Variants in PTPRM observed in about 807,000 individuals in gnomAD.
The protein encoded by PTPRM is receptor-type tyrosine-protein phosphatase mu.
A neutral mutation model predicts 186.7 loss-of-function variants in PTPRM; 47 were observed. That is an observed-to-expected ratio of 0.25 (90% CI 0.20 to 0.32). The LOEUF (loss-of-function observed/expected upper bound fraction) is 0.32, where lower values mean the gene tolerates loss of function less well. PTPRM is among the 10% of genes least tolerant of loss of function. PTPRM has a pLI of 1.00. For missense variants in PTPRM, 1,494 were observed against 1,865.0 expected (o/e 0.80, Z 3.66); for synonymous variants, 668 against 674.9 (o/e 0.99, Z 0.16).
chr18:8,368,151 C>CA (rs1424848664), intron 23 of PTPRM, among the ~76,000 whole-genome samples: 2 of 150,756 alleles, frequency 1.3e-5, no homozygotes, highest in African/African-American at 4.9e-5. Flanking sequence ...ACTGAAGTCA[C>CA]AAAAAGGTAA....
intron 20 of PTPRM, among the ~76,000 whole-genome samples, chr18:8,312,803 C>T (rs1322482358): frequency 6.6e-6 from 1 of 152,152 alleles, no homozygotes; most frequent in African/African-American, 2.4e-5. Context: ...TTTTCTCCTT[C>T]TCTGGCCCAG....
chr18:8,108,035 A>G (rs1420396378), intron 11 of PTPRM, among the ~76,000 whole-genome samples: 1 of 152,202 alleles, frequency 6.6e-6, no homozygotes, highest in African/African-American at 2.4e-5. Context: ...GGAAAAGACA[A>G]TGTCAGAGCA....
intron 21 of PTPRM, among the ~76,000 whole-genome samples, chr18:8,317,625 A>G (rs754655077): frequency 1.3e-4 from 20 of 152,140 alleles, no homozygotes; most frequent in Admixed American, 3.9e-4. Context: ...GAACCAGCCA[A>G]TGAAATTGAG....
intron 1 of PTPRM, among the ~76,000 whole-genome samples, chr18:7,691,254 G>A (rs2039726330): frequency 6.6e-6 from 1 of 152,170 alleles, no homozygotes; most frequent in Non-Finnish European, 1.5e-5. Context: ...TATGGGAACA[G>A]CATGGAAATT....
intron 9 of PTPRM, among the ~76,000 whole-genome samples, 178 bp from the exon 10 acceptor site, chr18:8,085,493 A>G (rs990036464): frequency 3.3e-5 from 5 of 152,278 alleles, no homozygotes; most frequent in African/African-American, 1.2e-4. Flanking sequence ...AAAAGTAATA[A>G]CTCAGCAGCT....
intron 7 of PTPRM, among the ~76,000 whole-genome samples, chr18:8,037,582 A>G (rs1033176915): frequency 1.3e-5 from 2 of 152,224 alleles, no homozygotes; most frequent in African/African-American, 2.4e-5. Context: ...ATATATGAAT[A>G]AAACAGTCTG....
chr18:8,356,826 C>T (rs935128939), intron 23 of PTPRM, among the ~76,000 whole-genome samples: 4 of 152,096 alleles, frequency 2.6e-5, no homozygotes, highest in African/African-American at 9.7e-5. Context: ...GTGTTGTGAG[C>T]GTTTCTAGGT....
chr18:8,327,277 CA>C (rs1184865380), intron 22 of PTPRM, among the ~76,000 whole-genome samples: 29 of 152,158 alleles, frequency 1.9e-4, no homozygotes, highest in African/African-American at 7.0e-4. Context: ...GTCACATTGG[CA>C]AAGACCACAG....
At chr18:7,855,881 T>C (rs1450871016) in intron 2 of PTPRM, among the ~76,000 whole-genome samples, 1 of 152,218 alleles carries the variant, frequency 6.6e-6, no homozygotes, top group Admixed American at 6.5e-5. Context: ...TTGTCAGGAA[T>C]GTGGCTGAAA....
chr18:7,873,198 C>T (rs1175276507), intron 2 of PTPRM, among the ~76,000 whole-genome samples: 1 of 152,126 alleles, frequency 6.6e-6, no homozygotes, highest in African/African-American at 2.4e-5. Context: ...AAGAGAATAG[C>T]TCATGTAATT....
At chr18:7,621,384 C>T (rs1003495454) in intron 1 of PTPRM, among the ~76,000 whole-genome samples, 2 of 151,914 alleles carry the variant, frequency 1.3e-5, no homozygotes, top group Non-Finnish European at 2.9e-5. Context: ...TATAGCCCTG[C>T]CCCCACACAT....
intron 2 of PTPRM, among the ~76,000 whole-genome samples, chr18:7,824,503 A>G (rs2045379678): frequency 2.0e-5 from 3 of 152,046 alleles, no homozygotes; most frequent in Non-Finnish European, 4.4e-5. Context: ...GCATTTTATA[A>G]AATTACTTTT....
At chr18:7,953,421 T>C (rs12957388) in intron 6 of PTPRM, among the ~76,000 whole-genome samples, 21,636 of 152,268 alleles carry the variant, frequency 0.14, 1,813 homozygotes, top group Non-Finnish European at 0.19. Context: ...CCTAATGATA[T>C]GAATTGATGT....
intron 19 of PTPRM, among the ~76,000 whole-genome samples, chr18:8,262,163 A>C (rs937816192): frequency 1.3e-5 from 2 of 151,150 alleles, no homozygotes; most frequent in Non-Finnish European, 2.9e-5. Context: ...TCTCCTCCCC[A>C]TTTTCAGTGG....
At chr18:8,404,696 A>C (rs1041298217) in intron 32 of PTPRM, 1 of 152,274 alleles carries the variant, frequency 6.6e-6, no homozygotes, top group Admixed American at 6.5e-5. Context: ...TGATGGGTAG[A>C]GACAGTGGTG....
intron 7 of PTPRM, among the ~76,000 whole-genome samples, chr18:7,993,035 A>T (rs554557310): frequency 1.3e-5 from 2 of 152,026 alleles, no homozygotes; most frequent in South Asian, 4.2e-4. Context: ...CATTAATGAC[A>T]TATCGTAAAA....
intron 1 of PTPRM, among the ~76,000 whole-genome samples, chr18:7,753,088 G>C (rs1286777109): frequency 6.6e-6 from 1 of 152,050 alleles, no homozygotes; most frequent in Non-Finnish European, 1.5e-5. Flanking sequence ...GTTTGGAAGG[G>C]GATACAGGTC....
chr18:8,128,663 T>G (rs1386450733), intron 13 of PTPRM, among the ~76,000 whole-genome samples: 2 of 152,168 alleles, frequency 1.3e-5, no homozygotes, highest in Non-Finnish European at 2.9e-5. Flanking sequence ...GATACAGGCA[T>G]GCCATGAGGG....
chr18:8,316,476 A>C (rs944437837), intron 21 of PTPRM, among the ~76,000 whole-genome samples: 1 of 152,228 alleles, frequency 6.6e-6, no homozygotes, highest in South Asian at 2.1e-4. Context: ...AGTAATGAAA[A>C]GACTGGATTA....
Sources: allele counts gnomAD v4.1 joint callset (sites outside exome capture counted in the v4.1 genomes callset), GRCh38; gene constraint gnomAD v4.1.1; transcripts MANE v1.5; gene names NCBI Gene and HGNC (gene_info 2026-07-23, HGNC 2026-07-21).